ITGA6: variants seen among roughly 807,000 people sequenced by gnomAD.
The protein encoded by ITGA6 is integrin alpha-6.
Under a neutral mutation model 133.6 loss-of-function variants are expected in ITGA6, and 63 were observed. That is an observed-to-expected ratio of 0.47 (90% CI 0.38 to 0.58). ITGA6 has a LOEUF of 0.58. Among genes scored for constraint, ITGA6 ranks in the 20% least tolerant of loss-of-function variants. The pLI is 0.00. For missense variants in ITGA6, 1,068 were observed against 1,309.4 expected, an observed-to-expected ratio of 0.82 and a Z score of 2.85; for synonymous variants, 434 against 482.0, an observed-to-expected ratio of 0.90 and a Z score of 1.30.
At chr2:172,477,960 T>G (rs1398415825) in intron 9 of ITGA6, among the ~76,000 whole-genome samples, 5 of 152,236 alleles carry the variant, frequency 3.3e-5, no homozygotes, top group African/African-American at 1.2e-4. Context: ...AGACTTATTT[T>G]CTATGTTAAA....
chr2:172,502,431 A>C (rs13021042), intron 25 of ITGA6, among the ~76,000 whole-genome samples: 26,102 of 152,126 alleles, frequency 0.17, 2,867 homozygotes, highest in African/African-American at 0.31. Context: ...GTGATGGGGA[A>C]GGCTTGGAAT....
At chr2:172,438,282 G>A (rs1444568061) in intron 1 of ITGA6, among the ~76,000 whole-genome samples, 1 of 151,728 alleles carries the variant, frequency 6.6e-6, no homozygotes, top group African/African-American at 2.4e-5. Flanking sequence ...CCGTGGGGGA[G>A]GTGGCCTGAT....
At chr2:172,469,526 T>C (rs1685827783) in intron 4 of ITGA6, 146 bp downstream of exon 4, 2 of 744,210 alleles carry the variant, frequency 2.7e-6, no homozygotes, top group African/African-American at 3.6e-5. Context: ...AATGATATGA[T>C]TTTTAAAAGC....
At chr2:172,492,291 T>G (rs183586500) in intron 23 of ITGA6, among the ~76,000 whole-genome samples, 3 of 152,260 alleles carry the variant, frequency 2.0e-5, no homozygotes, top group Non-Finnish European at 4.4e-5. Flanking sequence ...TTCTAGCAGC[T>G]GCTATTTTTG....
intron 2 of ITGA6, among the ~76,000 whole-genome samples, chr2:172,466,611 T>TA (rs1387711606): frequency 6.6e-6 from 1 of 152,136 alleles, no homozygotes; most frequent in Non-Finnish European, 1.5e-5. Flanking sequence ...CAGAGCAAGA[T>TA]ACCATCTCAA....
At chr2:172,482,274 T>C (rs1156268493) in intron 11 of ITGA6, among the ~76,000 whole-genome samples, 1 of 152,248 alleles carries the variant, frequency 6.6e-6, no homozygotes, top group Non-Finnish European at 1.5e-5. Flanking sequence ...ACATTTGCTT[T>C]CATTGCTTTT....
intron 1 of ITGA6, among the ~76,000 whole-genome samples, chr2:172,461,245 C>CTTATCGTTAAAGATGATTTTGTGGTTT (rs1288622458): frequency 2.0e-5 from 3 of 152,098 alleles, no homozygotes; most frequent in Non-Finnish European, 2.9e-5. Flanking sequence ...GTGTTTATTT[C>CTTATCGTTAAAGATGATTTTGTGGTTT]TTATCGTTAA....
Position 172,488,025 on chromosome 2 carries a change from T to G in ITGA6, c.2389T>G (p.Leu797Val). ...AGCAAAAGTGGTTATTGAACTGCTT[T>G]TATCGGTCTCGGGGTAAGTGTTTGT... ...AKAKVVIELL[L>V]SVSGVAKPSQ... is the part of the protein sequence containing the mutation. Residue 797 changes from leucine (L) to valine (V), a missense_variant, in exon 18 of 26, where the codon TTA (leucine) becomes GTA (valine). By Grantham distance (32) the Leu-to-Val change is conservative (BLOSUM62 1). Coordinates refer to ENST00000684293, the MANE Select transcript of ITGA6 (RefSeq NM_000210.4). 1 of 1,613,962 alleles carries G rather than the reference T, an allele frequency of 6.2e-7. No homozygotes were observed. Among genetic ancestry groups the G allele is most frequent in the Non-Finnish European group, 8.5e-7 (1 of 1,179,858 alleles).
chr2:172,498,795 G>C (rs41482144), intron 24 of ITGA6, among the ~76,000 whole-genome samples: 2,276 of 152,242 alleles, frequency 0.015, 48 homozygotes, highest in African/African-American at 0.051. Context: ...CCCAGTGAGT[G>C]ATAGAGGCTT....
chr2:172,470,307 C>A (rs1685865006), intron 4 of ITGA6, among the ~76,000 whole-genome samples: 1 of 152,036 alleles, frequency 6.6e-6, no homozygotes, highest in Non-Finnish European at 1.5e-5. Flanking sequence ...TTATTTTGAC[C>A]TAACTGAAAT....
At chr2:172,454,089 TTG>T (rs904508268) in intron 1 of ITGA6, among the ~76,000 whole-genome samples, 14 of 108,704 alleles carry the variant, frequency 1.3e-4, no homozygotes, top group African/African-American at 7.9e-4. Flanking sequence ...TTGTTTTGTT[TTG>T]TTTTTTTTTT....
chr2:172,500,277 A>G lies in ITGA6; in HGVS notation c.3115-1495A>G, dbSNP rs74265084. Among the ~76,000 whole-genome samples the G allele has an allele frequency of 5.1e-4, 77 of 151,726 alleles. 2 individuals carry two copies. In the East Asian group the frequency reaches 0.013, roughly 25 times the overall value. On this transcript the variant is annotated intron_variant, in intron 24 of 25. Coordinates refer to ENST00000684293, the MANE Select transcript of ITGA6 (RefSeq NM_000210.4). ...AAAGTCCCTTGGGCTGGTCTAAATC[A>G]CCTTCATTTTGCTAACAAAGATGCT...
chr2:172,443,465 CGTT>C (rs1295390187), intron 1 of ITGA6, among the ~76,000 whole-genome samples: 3 of 152,078 alleles, frequency 2.0e-5, no homozygotes, highest in Non-Finnish European at 2.9e-5. Flanking sequence ...GCCTGGCCGG[CGTT>C]GTTGTTTTAA....
Position 172,474,264 on chromosome 2 carries a change from G to A in ITGA6, c.985G>A (p.Gly329Arg), listed in dbSNP as rs920885330. Reference protein sequence around the residue: ...DVAVVDLNKDGWQDIVIGAPQ... With the variant: ...DVAVVDLNKDRWQDIVIGAPQ... The stretch of plus-strand genomic sequence containing the variant: ...GGCGGTGGTGGACCTCAACAAGGAT[G>A]GGTGAGAAAGCCTCAGGTTATATTA... Residue 329 changes from glycine to arginine, a missense_variant and splice_region_variant, in exon 6 of 26, where the codon GGG becomes AGG. Gly to Arg is a moderately radical substitution (Grantham distance 125, BLOSUM62 -2). Transcript: ENST00000684293. The A allele has an allele frequency of 5.0e-6, 8 of 1,613,130 alleles. No individual in the cohort carries two copies. The highest frequency in any genetic ancestry group is 6.8e-6 in the Non-Finnish European group (8 of 1,179,266).
At chr2:172,455,555 A>G (rs918455101) in intron 1 of ITGA6, among the ~76,000 whole-genome samples, 4 of 152,248 alleles carry the variant, frequency 2.6e-5, no homozygotes, top group Non-Finnish European at 5.9e-5. Flanking sequence ...TGTGAACAGC[A>G]GTGACTTTTC....
intron 1 of ITGA6, among the ~76,000 whole-genome samples, chr2:172,459,024 T>A (rs1028920602): frequency 6.6e-6 from 1 of 151,926 alleles, no homozygotes; most frequent in African/African-American, 2.4e-5. Context: ...AAGGGTAGAT[T>A]AACCCAGGAG....
At chr2:172,502,244 T>C (rs1687380444) in intron 25 of ITGA6, among the ~76,000 whole-genome samples, 1 of 152,186 alleles carries the variant, frequency 6.6e-6, no homozygotes, top group Non-Finnish European at 1.5e-5. Flanking sequence ...GTATGTAGCA[T>C]TCCACTAGGG....
intron 4 of ITGA6, among the ~76,000 whole-genome samples, chr2:172,469,632 ATATAATAAT>A (rs1402095442): frequency 6.6e-6 from 1 of 152,172 alleles, no homozygotes; most frequent in Non-Finnish European, 1.5e-5. Flanking sequence ...TTTAGCAGGA[ATATAATAAT>A]TAACATTAGT....
chr2:172,457,295 C>CAAAAAAAA lies in ITGA6; in HGVS notation c.183-8231_183-8224dup, dbSNP rs71403305. 6.3e-3 allele frequency among the ~76,000 whole-genome samples: 495 copies of CAAAAAAAA among 79,180 alleles called. 12 individuals carry two copies. Among genetic ancestry groups the CAAAAAAAA allele is most frequent in the African/African-American group, 0.021 (434 of 20,300 alleles). 51.9% of individuals were successfully genotyped at this position (79,180 alleles called of 152,430 possible). A position where few individuals can be genotyped will look rare whatever the true frequency, so the allele number is the denominator to read the frequency against. On this transcript the variant is annotated intron_variant, in intron 1 of 25. Transcript: ENST00000684293. ...GGGTGACAGAGCGAGATTCTGTCTC[C>CAAAAAAAA]AAAAAAAAAAAAAAAAAAAAGAAGC...
Sources: gnomAD v4.1 joint callset for allele counts (sites outside exome capture counted in the v4.1 genomes callset) on GRCh38, gnomAD v4.1.1 for gene constraint, MANE v1.5 for transcripts, NCBI Gene and HGNC (gene_info 2026-07-23, HGNC 2026-07-21) for gene names.